The following TPST2 variants were observed in gnomAD, a reference collection of about 807,000 sequenced individuals.
TPST2 encodes tyrosylprotein sulfotransferase 2.
TPST2 carries 16 observed loss-of-function variants against 27.8 expected under a neutral mutation model. The ratio of observed to expected loss-of-function variants is 0.58; its 90% CI spans 0.39 to 0.88. The LOEUF (loss-of-function observed/expected upper bound fraction) is 0.88. TPST2 is among the 40% of genes least tolerant of loss of function. The pLI, the probability that TPST2 is intolerant of heterozygous loss-of-function variation, is 0.00. For missense variants in TPST2, 464 were observed against 543.1 expected, an observed-to-expected ratio of 0.85 and a Z score of 1.45; for synonymous variants, 229 against 231.7, an observed-to-expected ratio of 0.99 and a Z score of 0.10.
chr22:26,531,322 C>T (rs1925149783), intron 5 of TPST2, among the ~76,000 whole-genome samples: 1 of 152,176 alleles, frequency 6.6e-6, no homozygotes, highest in African/African-American at 2.4e-5. Flanking sequence ...CCACAGAACA[C>T]TACGTAGCCA....
intron 5 of TPST2, 143 bp from the exon 6 acceptor site, chr22:26,528,405 G>C: frequency 9.2e-7 from 1 of 1,090,712 alleles, no homozygotes; most frequent in Non-Finnish European, 1.3e-6. Context: ...TGTGCCAGGT[G>C]CTGGGATAGC....
At chr22:26,563,112 G>C (rs925521462) in intron 1 of TPST2, among the ~76,000 whole-genome samples, 1 of 152,092 alleles carries the variant, frequency 6.6e-6, no homozygotes, top group African/African-American at 2.4e-5. Flanking sequence ...AAACTGACTG[G>C]GTTCACTGAA....
intron 3 of TPST2, among the ~76,000 whole-genome samples, chr22:26,536,734 A>G (rs938285331): frequency 3.9e-5 from 6 of 152,216 alleles, no homozygotes; most frequent in African/African-American, 1.4e-4. Context: ...ATTGGTACAT[A>G]CATTCTGCTT....
intron 1 of TPST2, among the ~76,000 whole-genome samples, chr22:26,573,811 T>A (rs1927725444): frequency 1.3e-5 from 2 of 152,158 alleles, no homozygotes; most frequent in Non-Finnish European, 2.9e-5. Context: ...CCAGCCCCAA[T>A]TCTGGGGTAG....
intron 1 of TPST2, among the ~76,000 whole-genome samples, chr22:26,562,272 T>A (rs1012665959): frequency 2.0e-5 from 3 of 152,220 alleles, no homozygotes; most frequent in Non-Finnish European, 4.4e-5. Context: ...GAAGGACTTA[T>A]CTGCTTCTGT....
chr22:26,569,677 C>T (rs1384415957), intron 1 of TPST2, among the ~76,000 whole-genome samples: 5 of 150,896 alleles, frequency 3.3e-5, no homozygotes, highest in Non-Finnish European at 5.9e-5. Context: ...TGGCCTGGCA[C>T]GGTGGCTCAT....
chr22:26,549,083 T>A (rs896946109), intron 1 of TPST2, among the ~76,000 whole-genome samples: 3 of 152,246 alleles, frequency 2.0e-5, no homozygotes, highest in Admixed American at 6.5e-5. Context: ...CTAGCGCAAA[T>A]GAGAAACTAG....
intron 1 of TPST2, among the ~76,000 whole-genome samples, chr22:26,560,105 G>A (rs1379220387): frequency 3.3e-5 from 5 of 152,192 alleles, no homozygotes; most frequent in East Asian, 1.9e-4. Context: ...AAGCCTGGGC[G>A]AGCTCAGAAA....
chr22:26,530,132 T>A (rs1166711470), intron 5 of TPST2, among the ~76,000 whole-genome samples: 1 of 152,148 alleles, frequency 6.6e-6, no homozygotes, highest in Non-Finnish European at 1.5e-5. Context: ...TTCGTTTTTG[T>A]TGTTGTTGTT....
chr22:26,525,688 T>G lies in TPST2; in HGVS notation c.*587A>C, dbSNP rs1370285389. The G allele has an allele frequency of 6.6e-6, 1 of 152,348 alleles. No individual in the cohort carries two copies. Among genetic ancestry groups the G allele is most frequent in the Admixed American group, 6.5e-5 (1 of 15,276 alleles). 9.4% of individuals were successfully genotyped at this position (152,348 alleles called of 1,614,324 possible). A position where few individuals can be genotyped will look rare whatever the true frequency, so the allele number is the denominator to read the frequency against. On this transcript the variant is annotated 3_prime_UTR_variant, in exon 7 of 7. Coordinates refer to ENST00000338754, the MANE Select transcript of TPST2 (RefSeq NM_003595.5). ...CATGCACCTATATTCTCCAGCTTTT[T>G]GCTCATCACAAATCTACCTGACAAA...
intron 1 of TPST2, chr22:26,560,402 T>C (rs1895954517): frequency 1.6e-6 from 1 of 615,152 alleles, no homozygotes. Context: ...CATATGACTT[T>C]TGTAAGGATT....
At chr22:26,527,639 G>A (rs980211160) in intron 6 of TPST2, among the ~76,000 whole-genome samples, 41 of 152,196 alleles carry the variant, frequency 2.7e-4, no homozygotes, top group African/African-American at 9.9e-4. Context: ...TGGCTGTGTA[G>A]CCTTGGGCAA....
intron 5 of TPST2, among the ~76,000 whole-genome samples, chr22:26,530,497 A>G (rs1429145569): frequency 6.6e-6 from 1 of 151,936 alleles, no homozygotes; most frequent in Non-Finnish European, 1.5e-5. Flanking sequence ...TGGGTACTGA[A>G]GCTCTACTGA....
At chr22:26,561,611 T>C (rs1927100150) in intron 1 of TPST2, among the ~76,000 whole-genome samples, 1 of 152,202 alleles carries the variant, frequency 6.6e-6, no homozygotes, top group African/African-American at 2.4e-5. Context: ...ACAATTTTTT[T>C]ATTAGAAAAA....
chr22:26,528,735 C>T (rs576067310), intron 5 of TPST2, among the ~76,000 whole-genome samples: 1 of 152,258 alleles, frequency 6.6e-6, no homozygotes, highest in Non-Finnish European at 1.5e-5. Context: ...GTAATCCCAG[C>T]GCTTTGGGAG....
At chr22:26,546,285 C>T (rs1168897470) in intron 1 of TPST2, among the ~76,000 whole-genome samples, 4 of 152,192 alleles carry the variant, frequency 2.6e-5, no homozygotes, top group South Asian at 4.1e-4. Context: ...AAGGTGTAAC[C>T]ACAGCAACTA....
At chr22:26,574,166 G>T (rs979688624) in intron 1 of TPST2, among the ~76,000 whole-genome samples, 2 of 152,162 alleles carry the variant, frequency 1.3e-5, no homozygotes, top group African/African-American at 4.8e-5. Context: ...AAAATGCCAT[G>T]GGGAGAGTCC....
At chr22:26,573,738 A>G (rs1361117397) in intron 1 of TPST2, among the ~76,000 whole-genome samples, 1 of 151,810 alleles carries the variant, frequency 6.6e-6, no homozygotes, top group East Asian at 1.9e-4. Context: ...TCCTGGTAAT[A>G]TTTTGGGCAT....
intron 1 of TPST2, among the ~76,000 whole-genome samples, chr22:26,549,867 TA>T (rs34355172): frequency 0.061 from 5,911 of 97,104 alleles, 189 homozygotes; most frequent in Non-Finnish European, 0.086. Context: ...CCCTCTCTAC[TA>T]AAAAAAAAAA....
Sources: allele counts gnomAD v4.1 joint callset (sites outside exome capture counted in the v4.1 genomes callset), GRCh38; gene constraint gnomAD v4.1.1; transcripts MANE v1.5; gene names NCBI Gene and HGNC (gene_info 2026-07-23, HGNC 2026-07-21).